Variants in TNNI3K observed in about 807,000 individuals in gnomAD.
The protein encoded by TNNI3K is TNNI3 interacting kinase.
In TNNI3K, 140 loss-of-function variants were observed where a neutral mutation model predicts 114.5. That is an observed-to-expected ratio of 1.22 (90% CI 1.07 to 1.41). The LOEUF is 1.41. Among genes scored for constraint, TNNI3K ranks in the 40% most tolerant of loss-of-function variants. The probability of loss-of-function intolerance (pLI) is 0.00; values close to 1 mark genes in which losing one functional copy is unlikely to be tolerated. For missense variants in TNNI3K, 1,125 were observed against 1,007.6 expected (o/e 1.12, Z -1.58); for synonymous variants, 347 against 347.5 (o/e 1.00, Z 0.02).
chr1:74,340,958 G>A (rs940545747), intron 7 of TNNI3K, among the ~76,000 whole-genome samples: 1 of 152,158 alleles, frequency 6.6e-6, no homozygotes, highest in Non-Finnish European at 1.5e-5. Context: ...AACAGCCTTG[G>A]GAGGAGAAAC....
At chr1:74,246,094 A>G (rs1341491683) in intron 2 of TNNI3K, among the ~76,000 whole-genome samples, 1 of 152,226 alleles carries the variant, frequency 6.6e-6, no homozygotes, top group Non-Finnish European at 1.5e-5. Flanking sequence ...ATCATTTCTG[A>G]TGAAAATGCC....
chr1:74,343,213 C>T, intron 9 of TNNI3K, 34 bp downstream of exon 9: 3 of 1,576,268 alleles, frequency 1.9e-6, no homozygotes, highest in Non-Finnish European at 1.7e-6. Flanking sequence ...AGCCACTAAA[C>T]TTAGCTGACA....
chr1:74,357,021 C>T (rs1338572412), intron 11 of TNNI3K, among the ~76,000 whole-genome samples: 2 of 152,138 alleles, frequency 1.3e-5, no homozygotes, highest in Non-Finnish European at 2.9e-5. Flanking sequence ...AAAAATGTTG[C>T]ATTGTTTTCA....
At chr1:74,403,520 T>C (rs1263051794) in intron 17 of TNNI3K, among the ~76,000 whole-genome samples, 1 of 152,184 alleles carries the variant, frequency 6.6e-6, no homozygotes, top group Admixed American at 6.5e-5. Context: ...AATAGACATT[T>C]GATTTATTAT....
intron 20 of TNNI3K, among the ~76,000 whole-genome samples, chr1:74,445,048 G>C (rs1320583964): frequency 1.3e-5 from 2 of 152,026 alleles, no homozygotes; most frequent in Admixed American, 1.3e-4. Flanking sequence ...ATGGATTAAA[G>C]ACTTAAATGT....
At chr1:74,451,860 A>G (rs1014307828) in intron 20 of TNNI3K, among the ~76,000 whole-genome samples, 3 of 151,136 alleles carry the variant, frequency 2.0e-5, no homozygotes, top group African/African-American at 4.9e-5. Context: ...TCTATTTCTC[A>G]AAATGTTTCA....
At chr1:74,540,444 A>T in intron 24 of TNNI3K, 131 bp downstream of exon 24, 1 of 854,282 alleles carries the variant, frequency 1.2e-6, no homozygotes. Context: ...ATATAAAAGT[A>T]TAAAATTTGA....
At chr1:74,532,082 C>T (rs979372319) in intron 23 of TNNI3K, among the ~76,000 whole-genome samples, 2 of 152,148 alleles carry the variant, frequency 1.3e-5, no homozygotes, top group African/African-American at 4.8e-5. Context: ...CTCAACATAG[C>T]CCAGGCTGTG....
chr1:74,521,616 T>C (rs913438699), intron 23 of TNNI3K, among the ~76,000 whole-genome samples: 2 of 152,088 alleles, frequency 1.3e-5, no homozygotes, highest in Non-Finnish European at 2.9e-5. Context: ...TAGCAAATGA[T>C]TGGTAAAGAC....
At chr1:74,529,550 G>C (rs1246695480) in intron 23 of TNNI3K, among the ~76,000 whole-genome samples, 1 of 152,198 alleles carries the variant, frequency 6.6e-6, no homozygotes, top group Non-Finnish European at 1.5e-5. Context: ...GCGTTATTGA[G>C]ATAATTGGCA....
At chr1:74,298,092 A>G (rs1658102210) in intron 5 of TNNI3K, among the ~76,000 whole-genome samples, 1 of 152,178 alleles carries the variant, frequency 6.6e-6, no homozygotes, top group Non-Finnish European at 1.5e-5. Context: ...AGTCAGGTCT[A>G]AGTGTGAATG....
intron 5 of TNNI3K, among the ~76,000 whole-genome samples, chr1:74,299,492 C>T (rs956908716): frequency 3.3e-5 from 5 of 152,068 alleles, no homozygotes; most frequent in African/African-American, 9.7e-5. Flanking sequence ...AAATGTAGCA[C>T]AGATGAAGCC....
chr1:74,335,345 T>C (rs997665339), intron 6 of TNNI3K, among the ~76,000 whole-genome samples: 1 of 152,316 alleles, frequency 6.6e-6, no homozygotes, highest in South Asian at 2.1e-4. Context: ...ATATTACCCC[T>C]CACGTTAACA....
chr1:74,427,495 G>A (rs1050767353), intron 17 of TNNI3K, among the ~76,000 whole-genome samples: 1 of 151,966 alleles, frequency 6.6e-6, no homozygotes, highest in Non-Finnish European at 1.5e-5. Flanking sequence ...ACAACCAATT[G>A]TTGGAAGTCA....
intron 17 of TNNI3K, among the ~76,000 whole-genome samples, chr1:74,421,612 C>A (rs1230717993): frequency 6.6e-6 from 1 of 151,982 alleles, no homozygotes; most frequent in Non-Finnish European, 1.5e-5. Context: ...AGAACTTAAA[C>A]CAGAAAGAAA....
At chr1:74,492,751 A>G (rs2100307620) in intron 23 of TNNI3K, among the ~76,000 whole-genome samples, 1 of 152,352 alleles carries the variant, frequency 6.6e-6, no homozygotes, top group South Asian at 2.1e-4. Context: ...AATAACCAAA[A>G]GGTGGAAACA....
intron 4 of TNNI3K, among the ~76,000 whole-genome samples, chr1:74,263,290 A>T (rs569197891): frequency 6.6e-6 from 1 of 152,190 alleles, no homozygotes; most frequent in African/African-American, 2.4e-5. Context: ...AATACTCAAC[A>T]GGCTAAGCCA....
chr1:74,435,996 G>T, intron 17 of TNNI3K, 84 bp from the exon 18 acceptor site: 1 of 1,519,380 alleles, frequency 6.6e-7, no homozygotes, highest in Non-Finnish European at 8.8e-7. Context: ...TGATGTCTAT[G>T]GTCCTCTTCT....
At chr1:74,393,428 C>A (rs1663900862) in intron 17 of TNNI3K, among the ~76,000 whole-genome samples, 1 of 152,058 alleles carries the variant, frequency 6.6e-6, no homozygotes, top group Non-Finnish European at 1.5e-5. Flanking sequence ...CGTGAGCTTA[C>A]TTTATGGGGT....
Sources: gnomAD v4.1 joint callset for allele counts (sites outside exome capture counted in the v4.1 genomes callset) on GRCh38, gnomAD v4.1.1 for gene constraint, MANE v1.5 for transcripts, NCBI Gene and HGNC (gene_info 2026-07-23, HGNC 2026-07-21) for gene names.